The following LPP variants were observed in gnomAD, a reference collection of about 807,000 sequenced individuals.
LPP encodes LIM domain containing preferred translocation partner in lipoma.
A neutral mutation model predicts 60.4 loss-of-function variants in LPP; 38 were observed. The observed-to-expected ratio is 0.63, with a 90% CI of 0.49 to 0.83. LPP has a LOEUF of 0.83. Ranked by LOEUF, LPP falls within the 40% of genes least tolerant of loss-of-function variation. The probability of loss-of-function intolerance (pLI) is 0.00; values close to 1 mark genes in which losing one functional copy is unlikely to be tolerated. For synonymous variants in LPP, 328 were observed against 290.8 expected, an observed-to-expected ratio of 1.13 and a Z score of -1.30; for missense variants, 902 against 783.6, an observed-to-expected ratio of 1.15 and a Z score of -1.80.
intron 5 of LPP, among the ~76,000 whole-genome samples, chr3:188,493,642 T>C (rs1029212902): frequency 2.0e-4 from 31 of 152,090 alleles, no homozygotes; most frequent in African/African-American, 5.8e-4. Flanking sequence ...AGGGTCTTGC[T>C]ATTTTGGCCA....
At chr3:188,588,793 C>T (rs555725541) in intron 6 of LPP, among the ~76,000 whole-genome samples, 2 of 152,192 alleles carry the variant, frequency 1.3e-5, no homozygotes, top group Admixed American at 1.3e-4. Flanking sequence ...CACCCTTCTC[C>T]TCCAAGGCCA....
intron 2 of LPP, among the ~76,000 whole-genome samples, chr3:188,228,978 T>C (rs1041001606): frequency 6.6e-6 from 1 of 152,226 alleles, no homozygotes; most frequent in Non-Finnish European, 1.5e-5. Flanking sequence ...GTAAGTTCAG[T>C]GCACAGCATC....
Position 188,609,283 on chromosome 3 carries a change from T to C in LPP, c.552T>C (p.Pro184=). Residue 184 remains proline, a synonymous_variant, in exon 7 of 12, where the codon CCT becomes CCC. Coordinates refer to ENST00000617246, the MANE Select transcript of LPP (RefSeq NM_001375462.1). This position sits in a 1 kb window ranked among gnomAD's most constrained non-coding sequence, Gnocchi z 6.9. ...ATKKSTLKPQ[P]APQAGPIPVA... ...AGAAGTCTACATTGAAACCACAGCC[T>C]GCACCCCAGGCTGGACCCATCCCTG... The C allele has an allele frequency of 6.2e-7, 1 of 1,614,084 alleles. No individual in the cohort carries two copies. Among genetic ancestry groups the C allele is most frequent in the African/African-American group, 1.3e-5 (1 of 75,020 alleles).
chr3:188,571,840 C>T (rs111466295), intron 6 of LPP, among the ~76,000 whole-genome samples: 45 of 152,052 alleles, frequency 3.0e-4, no homozygotes, highest in African/African-American at 9.9e-4. Context: ...CATACAGTTG[C>T]GGAGACATCA....
At chr3:188,430,578 T>C (rs1327773685) in intron 4 of LPP, among the ~76,000 whole-genome samples, 1 of 152,206 alleles carries the variant, frequency 6.6e-6, no homozygotes, top group Non-Finnish European at 1.5e-5. Context: ...TACTTACCTG[T>C]GTGATTTGTT....
chr3:188,585,015 G>T (rs2151026610), intron 6 of LPP, among the ~76,000 whole-genome samples: 1 of 152,246 alleles, frequency 6.6e-6, no homozygotes, highest in South Asian at 2.1e-4. Flanking sequence ...TTGGTTTTAA[G>T]AAATTACTCT....
chr3:188,868,927 C>G (rs1225873134), intron 10 of LPP, among the ~76,000 whole-genome samples: 1 of 152,178 alleles, frequency 6.6e-6, no homozygotes, highest in Non-Finnish European at 1.5e-5. Context: ...CAGCAAGGAG[C>G]TTGCCAGGAG....
At chr3:188,786,842 C>CT (rs1742080763) in intron 9 of LPP, among the ~76,000 whole-genome samples, 1 of 152,146 alleles carries the variant, frequency 6.6e-6, no homozygotes, top group Admixed American at 6.5e-5. Context: ...AGGCTGCATA[C>CT]TGTATGATTC....
intron 7 of LPP, among the ~76,000 whole-genome samples, chr3:188,689,558 A>C (rs1411245657): frequency 6.6e-6 from 1 of 152,142 alleles, no homozygotes; most frequent in Non-Finnish European, 1.5e-5. Flanking sequence ...AGATCATGCA[A>C]TATTTATCTT....
chr3:188,478,677 T>C (rs1264251933), intron 4 of LPP, among the ~76,000 whole-genome samples: 1 of 152,186 alleles, frequency 6.6e-6, no homozygotes, highest in Non-Finnish European at 1.5e-5. Flanking sequence ...TTTAAGTTTT[T>C]GGACTTAAAA....
At chr3:188,396,034 C>T (rs1780866367) in intron 3 of LPP, among the ~76,000 whole-genome samples, 1 of 152,158 alleles carries the variant, frequency 6.6e-6, no homozygotes, top group Non-Finnish European at 1.5e-5. Flanking sequence ...ATACAAACAA[C>T]ACAGTTGACA....
chr3:188,264,241 G>A (rs1021511128), intron 2 of LPP, among the ~76,000 whole-genome samples: 2 of 151,800 alleles, frequency 1.3e-5, no homozygotes, highest in Non-Finnish European at 2.9e-5. Context: ...AAGAACAATA[G>A]GAACAAACAT....
At chr3:188,836,675 G>A (rs1201205674) in intron 9 of LPP, among the ~76,000 whole-genome samples, 3 of 152,180 alleles carry the variant, frequency 2.0e-5, no homozygotes, top group Non-Finnish European at 4.4e-5. Context: ...ATTGGTACAT[G>A]TTTCTTATCA....
At chr3:188,604,890 T>G (rs1431587529) in intron 6 of LPP, among the ~76,000 whole-genome samples, 1 of 152,180 alleles carries the variant, frequency 6.6e-6, no homozygotes, top group Non-Finnish European at 1.5e-5. Flanking sequence ...AGGCAAAGTT[T>G]CACGGAGGAA....
At chr3:188,473,744 A>C (rs539169309) in intron 4 of LPP, among the ~76,000 whole-genome samples, 18 of 152,298 alleles carry the variant, frequency 1.2e-4, no homozygotes, top group Non-Finnish European at 2.5e-4. Flanking sequence ...TGGGATTAAA[A>C]AGCAAATTTA....
chr3:188,783,135 T>C (rs191527233), intron 9 of LPP, among the ~76,000 whole-genome samples: 1 of 152,242 alleles, frequency 6.6e-6, no homozygotes, highest in Non-Finnish European at 1.5e-5. Flanking sequence ...GGGATTCTTC[T>C]CGTCAACATC....
At chr3:188,596,914 T>C (rs922856546) in intron 6 of LPP, among the ~76,000 whole-genome samples, 3 of 152,186 alleles carry the variant, frequency 2.0e-5, no homozygotes, top group Non-Finnish European at 2.9e-5. Context: ...GAAACTCTTG[T>C]ATGAAAATAC....
chr3:188,879,085 T>C lies in LPP; in HGVS notation c.*4606T>C, dbSNP rs1186202753. The stretch of plus-strand genomic sequence containing the variant: ...ACTTGTTCTCAGTGAGGCATTAATA[T>C]GGTGCAACCATGAATATTTCAGGCC... On this transcript the variant is annotated 3_prime_UTR_variant, in exon 12 of 12. Transcript: ENST00000617246. The C allele has an allele frequency of 1.0e-4, 23 of 228,318 alleles. No homozygotes were observed. In the East Asian group the frequency reaches 1.4e-3, roughly 14 times the overall value. 14.1% of individuals were successfully genotyped at this position (228,318 alleles called of 1,614,324 possible).
intron 9 of LPP, among the ~76,000 whole-genome samples, chr3:188,809,600 A>G (rs998823959): frequency 3.9e-5 from 6 of 152,152 alleles, no homozygotes; most frequent in African/African-American, 7.2e-5. Context: ...AGATGGATAG[A>G]TTGCAAAAAT....
Sources: gnomAD v4.1 joint callset for allele counts (sites outside exome capture counted in the v4.1 genomes callset) on GRCh38, gnomAD v4.1.1 for gene constraint, Gnocchi (gnomAD v3.1) non-coding constraint, MANE v1.5 for transcripts, NCBI Gene and HGNC (gene_info 2026-07-23, HGNC 2026-07-21) for gene names.